Variants in LRMDA observed in about 807,000 individuals in gnomAD.
The protein encoded by LRMDA is leucine rich melanocyte differentiation associated.
LRMDA carries 18 observed loss-of-function variants against 29.8 expected under a neutral mutation model. That is an observed-to-expected ratio of 0.60 (90% CI 0.42 to 0.90). LRMDA has a LOEUF of 0.90. Ranked by LOEUF, LRMDA falls within the 40% of genes least tolerant of loss-of-function variation. LRMDA has a pLI of 0.00. For missense variants in LRMDA, 273 were observed against 273.9 expected (o/e 1.00, Z 0.02); for synonymous variants, 125 against 109.4 (o/e 1.14, Z -0.89).
At chr10:75,606,536 G>A (rs1840958848) in intron 2 of LRMDA, among the ~76,000 whole-genome samples, 1 of 152,248 alleles carries the variant, frequency 6.6e-6, no homozygotes, top group Non-Finnish European at 1.5e-5. Context: ...CCAGAAGCCT[G>A]CATTTCCACT....
chr10:76,098,621 C>CT (rs56025516), intron 5 of LRMDA, among the ~76,000 whole-genome samples: 3 of 151,786 alleles, frequency 2.0e-5, no homozygotes, highest in Admixed American at 6.6e-5. Context: ...GTTGTATTGA[C>CT]TTTTTTTTAA....
intron 6 of LRMDA, among the ~76,000 whole-genome samples, chr10:76,553,053 CA>C (rs1843514419): frequency 6.6e-6 from 1 of 152,102 alleles, no homozygotes; most frequent in African/African-American, 2.4e-5. Flanking sequence ...ACTTTTTTTT[CA>C]TAATTATAGC....
intron 2 of LRMDA, among the ~76,000 whole-genome samples, chr10:75,548,808 G>A (rs1840109764): frequency 6.6e-6 from 1 of 152,114 alleles, no homozygotes; most frequent in African/African-American, 2.4e-5. Context: ...CTGTAATGGA[G>A]CCAGGAGCTC....
At chr10:76,327,509 T>C (rs1840850877) in intron 6 of LRMDA, among the ~76,000 whole-genome samples, 1 of 152,226 alleles carries the variant, frequency 6.6e-6, no homozygotes. Context: ...CAGTGTTCCC[T>C]GTTCAGGGAT....
chr10:75,660,781 C>T (rs1004559468), intron 2 of LRMDA, among the ~76,000 whole-genome samples: 1 of 151,648 alleles, frequency 6.6e-6, no homozygotes, highest in Non-Finnish European at 1.5e-5. Context: ...AGCCAAGTTT[C>T]AAGCTGCTGA....
chr10:76,180,247 A>G (rs1405208905), intron 5 of LRMDA, among the ~76,000 whole-genome samples: 2 of 151,812 alleles, frequency 1.3e-5, no homozygotes, highest in Non-Finnish European at 2.9e-5. Flanking sequence ...CAGGCCTCAG[A>G]AAAAGCCATG....
intron 2 of LRMDA, among the ~76,000 whole-genome samples, chr10:75,867,468 A>G (rs1481816068): frequency 1.3e-5 from 2 of 152,148 alleles, no homozygotes; most frequent in Admixed American, 6.6e-5. Flanking sequence ...GCCATGATAC[A>G]GATTTTACAG....
intron 2 of LRMDA, among the ~76,000 whole-genome samples, chr10:75,957,706 G>C (rs1846688358): frequency 1.3e-5 from 2 of 152,320 alleles, no homozygotes; most frequent in African/African-American, 2.4e-5. Flanking sequence ...AATGGGGTTA[G>C]AGAGGGTTCA....
At chr10:75,475,477 C>T (rs2132048965) in intron 2 of LRMDA, among the ~76,000 whole-genome samples, 1 of 152,250 alleles carries the variant, frequency 6.6e-6, no homozygotes, top group Middle Eastern at 3.4e-3. Flanking sequence ...GGGACTGCTT[C>T]CGAGAGATAA....
intron 6 of LRMDA, among the ~76,000 whole-genome samples, chr10:76,393,647 C>T (rs1416811399): frequency 2.0e-5 from 3 of 152,080 alleles, no homozygotes; most frequent in Non-Finnish European, 4.4e-5. Flanking sequence ...TTTTGATGAG[C>T]AGAAGCTTTT....
intron 2 of LRMDA, among the ~76,000 whole-genome samples, chr10:75,927,403 G>A (rs886156710): frequency 9.9e-5 from 15 of 152,138 alleles, no homozygotes; most frequent in Non-Finnish European, 1.8e-4. Context: ...GTTCAATGGA[G>A]ATATTAATAG....
chr10:75,602,958 C>T (rs1840906559), intron 2 of LRMDA, among the ~76,000 whole-genome samples: 1 of 152,176 alleles, frequency 6.6e-6, no homozygotes, highest in South Asian at 2.1e-4. Context: ...CTTTTTCCCA[C>T]TACAGGCTTT....
chr10:75,513,661 C>T (rs1845254033), intron 2 of LRMDA, among the ~76,000 whole-genome samples: 1 of 152,190 alleles, frequency 6.6e-6, no homozygotes, highest in Non-Finnish European at 1.5e-5. Context: ...TCTTTGCCTT[C>T]CCAGCTTCTA....
chr10:75,764,453 G>A (rs922483808), intron 2 of LRMDA, among the ~76,000 whole-genome samples: 1 of 152,152 alleles, frequency 6.6e-6, no homozygotes, highest in South Asian at 2.1e-4. Context: ...TTAGATTCTC[G>A]TAATTTTCCA....
chr10:76,397,085 C>T (rs929413005), intron 6 of LRMDA, among the ~76,000 whole-genome samples: 6 of 152,094 alleles, frequency 3.9e-5, no homozygotes, highest in African/African-American at 1.2e-4. Flanking sequence ...CTTCTCTTTT[C>T]GGTGTGTGAG....
chr10:75,599,784 G>T (rs540525904), intron 2 of LRMDA, among the ~76,000 whole-genome samples: 3 of 152,282 alleles, frequency 2.0e-5, no homozygotes, highest in Admixed American at 2.0e-4. Context: ...AATTTTATTT[G>T]CTTTTAATTA....
chr10:75,500,475 GA>G (rs1845099711), intron 2 of LRMDA, among the ~76,000 whole-genome samples: 1 of 152,150 alleles, frequency 6.6e-6, no homozygotes, highest in African/African-American at 2.4e-5. Context: ...TTTCAGCTCT[GA>G]AATAGTCAAA....
chr10:75,498,018 C>T (rs1197193516), intron 2 of LRMDA, among the ~76,000 whole-genome samples: 1 of 152,200 alleles, frequency 6.6e-6, no homozygotes, highest in African/African-American at 2.4e-5. Context: ...CTTTTCACTT[C>T]CACCAACAAA....
intron 6 of LRMDA, among the ~76,000 whole-genome samples, chr10:76,526,063 A>G (rs1214094553): frequency 2.0e-5 from 2 of 101,386 alleles, no homozygotes; most frequent in African/African-American, 4.0e-5. Context: ...ATAGAAAGCA[A>G]TCTTTGACTG....
Sources: allele counts gnomAD v4.1 joint callset (sites outside exome capture counted in the v4.1 genomes callset), GRCh38; gene constraint gnomAD v4.1.1; transcripts MANE v1.5; gene names NCBI Gene and HGNC (gene_info 2026-07-23, HGNC 2026-07-21).